IPO5: variants seen among roughly 807,000 people sequenced by gnomAD.
The protein encoded by IPO5 is importin-5.
In IPO5, 18 loss-of-function variants were observed where a neutral mutation model predicts 143.3. The ratio of observed to expected loss-of-function variants is 0.13; its 90% CI spans 0.09 to 0.19. The LOEUF is 0.19. IPO5 is among the 10% of genes least tolerant of loss of function. IPO5 has a pLI of 1.00. For missense variants in IPO5, 1,013 were observed against 1,336.9 expected, an observed-to-expected ratio of 0.76 and a Z score of 3.78; for synonymous variants, 477 against 465.7, an observed-to-expected ratio of 1.02 and a Z score of -0.31.
intron 2 of IPO5, among the ~76,000 whole-genome samples, chr13:97,956,622 T>A (rs1325186440): frequency 2.0e-5 from 3 of 152,180 alleles, no homozygotes; most frequent in Non-Finnish European, 4.4e-5. Flanking sequence ...TATAAAATCT[T>A]TTCTCTAAAG....
chr13:97,990,774 A>G (rs1887740983), intron 9 of IPO5, among the ~76,000 whole-genome samples: 1 of 152,188 alleles, frequency 6.6e-6, no homozygotes, highest in South Asian at 2.1e-4. Flanking sequence ...AAATGTTGTA[A>G]GCAATTATAT....
chr13:97,961,587 C>T (rs1566438992), intron 2 of IPO5, among the ~76,000 whole-genome samples: 1 of 152,194 alleles, frequency 6.6e-6, no homozygotes, highest in Non-Finnish European at 1.5e-5. Flanking sequence ...CTTGTCAACA[C>T]TTGCTGTTGC....
intron 2 of IPO5, among the ~76,000 whole-genome samples, chr13:97,962,103 T>G (rs538709364): frequency 6.6e-6 from 1 of 152,362 alleles, no homozygotes; most frequent in South Asian, 2.1e-4. Flanking sequence ...CATTCCAGCC[T>G]GGGTGACAGA....
chr13:97,991,997 C>T (rs1317663518), intron 9 of IPO5, among the ~76,000 whole-genome samples: 2 of 152,130 alleles, frequency 1.3e-5, no homozygotes, highest in Non-Finnish European at 2.9e-5. Context: ...TCTTGAGAAC[C>T]ACTGAGTTAG....
At chr13:97,969,167 A>ATTT (rs1202289054) in intron 2 of IPO5, among the ~76,000 whole-genome samples, 1 of 72,190 alleles carries the variant, frequency 1.4e-5, no homozygotes, top group African/African-American at 7.4e-5. Context: ...ATATATATAT[A>ATTT]TATATATATT....
At chr13:98,019,999 TAAG>T (rs760760480) in intron 27 of IPO5, 190 bp downstream of exon 27, 68 of 476,470 alleles carry the variant, frequency 1.4e-4, no homozygotes, top group Admixed American at 7.0e-4. Context: ...GCCCTTATAA[TAAG>T]GTCTAATTTT....
chr13:97,996,530 A>G lies in IPO5; in HGVS notation c.914-1001A>G, dbSNP rs181810565. 1.3e-3 allele frequency among the ~76,000 whole-genome samples: 197 copies of G among 152,306 alleles called. 2 individuals carry two copies. The highest frequency in any genetic ancestry group is 4.6e-3 in the African/African-American group (192 of 41,560). On this transcript the variant is annotated intron_variant, in intron 11 of 28. Transcript: ENST00000651721. ...CAGGGCACTTCACACATTTTTGTGA[A>G]ATAACGGAGACCTCCACTTAAACTT...
At position 98,021,119 on chromosome 13, in the gene IPO5, G is replaced by A. The variant is rs548708334; in HGVS notation, c.3193G>A (p.Val1065Ile). Residue 1065 changes from valine to isoleucine, a missense_variant, in exon 28 of 29, where the codon GTT (valine) becomes ATT (isoleucine). Coordinates refer to ENST00000651721, the MANE Select transcript of IPO5 (RefSeq NM_002271.6). The part of the protein sequence containing the change: ...DPCAKRLANV[V>I]RQVQTSGGLW... ...TTGTGCCAAACGTCTGGCCAATGTC[G>A]TTCGCCAAGTACAGGTAAGCTGATT... 58 of 1,604,318 alleles carry A rather than the reference G, an allele frequency of 3.6e-5. No individual in the cohort carries two copies. In the East Asian group the frequency reaches 9.3e-4, roughly 26 times the overall value.
chr13:97,977,436 C>T (rs1886470862), intron 4 of IPO5, among the ~76,000 whole-genome samples: 1 of 152,128 alleles, frequency 6.6e-6, no homozygotes, highest in African/African-American at 2.4e-5. Context: ...CAGTTTCCAC[C>T]TTACTCTGGG....
chr13:97,957,885 C>G (rs573432091), intron 2 of IPO5, among the ~76,000 whole-genome samples: 4 of 151,562 alleles, frequency 2.6e-5, no homozygotes, highest in African/African-American at 9.7e-5. Flanking sequence ...CTCTAGAGGC[C>G]GAGACAGCAG....
chr13:97,964,510 C>T (rs764504500), intron 2 of IPO5, among the ~76,000 whole-genome samples: 2 of 143,872 alleles, frequency 1.4e-5, no homozygotes, highest in African/African-American at 5.2e-5. Context: ...TGCAGTGGCG[C>T]GATCTCGGCT....
intron 11 of IPO5, among the ~76,000 whole-genome samples, chr13:97,997,013 T>C (rs1051525967): frequency 6.6e-6 from 1 of 152,200 alleles, no homozygotes; most frequent in Non-Finnish European, 1.5e-5. Flanking sequence ...AGGAAAAAAT[T>C]GGAAACAACC....
rs60930625 is a variant in IPO5 at position 97,984,065 on chromosome 13, G to A, written c.172-1356G>A. 8.7e-3 allele frequency among the ~76,000 whole-genome samples: 1,057 copies of A among 121,866 alleles called. 16 individuals are homozygous for A. Among genetic ancestry groups the A allele is most frequent in the African/African-American group, 0.03 (989 of 32,566 alleles). The allele number at this position is 121,866 out of a possible 152,430, so 79.9% of individuals were successfully genotyped here. The stretch of plus-strand genomic sequence containing the variant: ...GGGATCTCGGCTCACTGCAAGCTCC[G>A]CCTCCCGGGTTCACGCCATTCTCCT... On this transcript the variant is annotated intron_variant, in intron 5 of 28. Coordinates refer to ENST00000651721, the MANE Select transcript of IPO5 (RefSeq NM_002271.6).
intron 4 of IPO5, among the ~76,000 whole-genome samples, chr13:97,977,374 AC>A (rs1440985461): frequency 6.6e-6 from 1 of 151,078 alleles, no homozygotes; most frequent in Non-Finnish European, 1.5e-5. Context: ...AGATTTCCCT[AC>A]CCCCTCCCAC....
chr13:98,022,637 A>G lies in IPO5; in HGVS notation c.*815A>G, dbSNP rs1455396519. The G allele has an allele frequency of 1.3e-5, 2 of 152,348 alleles. No individual in the cohort carries two copies. Among genetic ancestry groups the G allele is most frequent in the East Asian group, 3.9e-4 (2 of 5,188 alleles). 9.4% of individuals were successfully genotyped at this position (152,348 alleles called of 1,614,324 possible). ...TTCCTTGTGCAATTCAGACTTAAGC[A>G]TCGAGTTTTTACCATCTTCCACTTT... On this transcript the variant is annotated 3_prime_UTR_variant, in exon 29 of 29. Coordinates refer to ENST00000651721, the MANE Select transcript of IPO5 (RefSeq NM_002271.6).
chr13:97,965,354 T>TA (rs954466335), intron 2 of IPO5, among the ~76,000 whole-genome samples: 8 of 151,598 alleles, frequency 5.3e-5, no homozygotes, highest in Admixed American at 3.3e-4. Flanking sequence ...ACTGAAAAAT[T>TA]AAAAAAAAAT....
At chr13:97,966,297 G>A (rs527748209) in intron 2 of IPO5, among the ~76,000 whole-genome samples, 1 of 152,222 alleles carries the variant, frequency 6.6e-6, no homozygotes, top group South Asian at 2.1e-4. Flanking sequence ...TGAAGTTGAG[G>A]AAATTCCTCT....
At chr13:97,998,905 G>A (rs146117158) in intron 12 of IPO5, among the ~76,000 whole-genome samples, 111 of 152,220 alleles carry the variant, frequency 7.3e-4, no homozygotes, top group Admixed American at 1.5e-3. Flanking sequence ...CACTTTGGTG[G>A]GCAGAGGCAG....
chr13:98,017,802 T>C (rs1890226958), intron 25 of IPO5, among the ~76,000 whole-genome samples: 1 of 151,964 alleles, frequency 6.6e-6, no homozygotes, highest in Non-Finnish European at 1.5e-5. Context: ...TTTTTTTGTT[T>C]GTTTTGTTTT....
Sources: allele counts gnomAD v4.1 joint callset (sites outside exome capture counted in the v4.1 genomes callset), GRCh38; gene constraint gnomAD v4.1.1; transcripts MANE v1.5; gene names NCBI Gene and HGNC (gene_info 2026-07-23, HGNC 2026-07-21).